Variants in ABLIM3 observed in about 807,000 individuals in gnomAD.
ABLIM3 encodes the protein actin binding LIM protein family member 3.
ABLIM3 carries 61 observed loss-of-function variants against 109.5 expected under a neutral mutation model. The ratio of observed to expected loss-of-function variants is 0.56; its 90% CI spans 0.45 to 0.69. ABLIM3 has a LOEUF of 0.69. ABLIM3 is among the 30% of genes least tolerant of loss of function. ABLIM3 has a pLI of 0.00. For missense variants in ABLIM3, 796 were observed against 889.5 expected (o/e 0.89, Z 1.34); for synonymous variants, 300 against 324.8 (o/e 0.92, Z 0.82).
intron 8 of ABLIM3, among the ~76,000 whole-genome samples, chr5:149,221,658 T>C (rs1278683670): frequency 6.6e-6 from 1 of 152,254 alleles, no homozygotes; most frequent in African/African-American, 2.4e-5. Flanking sequence ...ATCCAAACCC[T>C]TCATTTGGGC....
intron 2 of ABLIM3, among the ~76,000 whole-genome samples, chr5:149,169,322 AG>A (rs1406446693): frequency 1.3e-5 from 2 of 152,064 alleles, no homozygotes; most frequent in Non-Finnish European, 2.9e-5. Flanking sequence ...ATCAAGACCC[AG>A]ATTCCTTCCA....
At position 149,242,698 on chromosome 5, in the gene ABLIM3, A is replaced by G. The variant is rs184038090; in HGVS notation, c.1351+160A>G. ...CCATCACCCAGGGTGACATTAGGGC[A>G]GAGTTTGGTATCATTTCAAAAGAAC... On this transcript the variant is annotated intron_variant, in intron 15 of 23. Coordinates refer to ENST00000309868, the MANE Select transcript of ABLIM3 (RefSeq NM_014945.5). 2,404 of 745,416 alleles carry G rather than the reference A, an allele frequency of 3.2e-3. 7 individuals carry two copies. The highest frequency in any genetic ancestry group is 4.0e-3 in the Non-Finnish European group (1,716 of 424,938). 46.2% of individuals were successfully genotyped at this position (745,416 alleles called of 1,614,324 possible). A position where few individuals can be genotyped will look rare whatever the true frequency, so the allele number is the denominator to read the frequency against.
intron 2 of ABLIM3, among the ~76,000 whole-genome samples, chr5:149,163,591 C>G (rs1754573097): frequency 1.3e-5 from 2 of 152,150 alleles, no homozygotes; most frequent in African/African-American, 4.8e-5. Flanking sequence ...GGCTGTCCCT[C>G]TGTGCTTGCC....
intron 18 of ABLIM3, among the ~76,000 whole-genome samples, chr5:149,248,611 A>T (rs1201765622): frequency 6.9e-6 from 1 of 144,996 alleles, no homozygotes; most frequent in Non-Finnish European, 1.5e-5. Flanking sequence ...GAATGGCGTG[A>T]GGCAGGAGGC....
chr5:149,176,696 T>A (rs1480301937), intron 2 of ABLIM3, among the ~76,000 whole-genome samples: 1 of 152,160 alleles, frequency 6.6e-6, no homozygotes, highest in East Asian at 1.9e-4. Flanking sequence ...ACCCACCCTC[T>A]AAATATTATC....
At chr5:149,157,104 G>A (rs80034859) in intron 2 of ABLIM3, among the ~76,000 whole-genome samples, 1,551 of 152,304 alleles carry the variant, frequency 0.01, 35 homozygotes, top group African/African-American at 0.036. Context: ...ACCAGAAAGC[G>A]TTCCATTCTT....
In ABLIM3 at chr5:149,198,515, A is replaced by C. The variant is rs1758195266; in HGVS notation, c.335+113A>C. On this transcript the variant is annotated intron_variant, in intron 4 of 23. Transcript: ENST00000309868. This position sits in a 1 kb window ranked among gnomAD's most constrained non-coding sequence, Gnocchi z 4.2. Reference sequence around the variant, plus strand: ...TTTACAAGGTTTGTGCTGCACATTTAGATTTCTGGAACCTCAGGTGTGGAG... The same window carrying C: ...TTTACAAGGTTTGTGCTGCACATTTCGATTTCTGGAACCTCAGGTGTGGAG... 2 of 1,306,068 alleles carry C rather than the reference A, an allele frequency of 1.5e-6. No homozygotes were observed. Among genetic ancestry groups the C allele is most frequent in the Non-Finnish European group, 2.1e-6 (2 of 972,698 alleles). 80.9% of individuals were successfully genotyped at this position (1,306,068 alleles called of 1,614,324 possible).
chr5:149,209,914 T>C (rs1759373341), intron 6 of ABLIM3, among the ~76,000 whole-genome samples: 1 of 152,204 alleles, frequency 6.6e-6, no homozygotes, highest in Non-Finnish European at 1.5e-5. Context: ...GATGGAAAAG[T>C]GATGTGCCTC....
At chr5:149,154,196 A>G (rs1026779662) in intron 2 of ABLIM3, among the ~76,000 whole-genome samples, 1 of 152,198 alleles carries the variant, frequency 6.6e-6, no homozygotes, top group Admixed American at 6.5e-5. Flanking sequence ...CCCAAGGTCT[A>G]TTCCTATGTT....
chr5:149,219,967 A>G (rs1332056587), intron 8 of ABLIM3: 1 of 151,796 alleles, frequency 6.6e-6, no homozygotes, highest in Non-Finnish European at 1.5e-5. Flanking sequence ...CTCAGGGGGG[A>G]TCCTGGCTCC....
chr5:149,172,881 T>G (rs956343580), intron 2 of ABLIM3, among the ~76,000 whole-genome samples: 2 of 152,216 alleles, frequency 1.3e-5, no homozygotes, highest in African/African-American at 2.4e-5. Context: ...ATGCAACTCT[T>G]GTACTTTGTA....
chr5:149,232,408 C>T (rs1171574869), intron 9 of ABLIM3, among the ~76,000 whole-genome samples: 3 of 152,282 alleles, frequency 2.0e-5, no homozygotes, highest in East Asian at 3.9e-4. Context: ...GGGATTGAAA[C>T]GTTAGATTTT....
At chr5:149,179,884 T>G (rs10038830) in intron 2 of ABLIM3, among the ~76,000 whole-genome samples, 58 of 152,360 alleles carry the variant, frequency 3.8e-4, no homozygotes, top group African/African-American at 1.3e-3. Flanking sequence ...AGCATAGATG[T>G]CTAGAACATG....
In ABLIM3 at chr5:149,258,496, G is replaced by C. The variant is rs150472472; in HGVS notation, c.*92G>C. The C allele has an allele frequency of 0.018, 25,863 of 1,432,078 alleles. 297 individuals carry two copies. The highest frequency in any genetic ancestry group is 0.021 in the Middle Eastern group (88 of 4,192). The allele number at this position is 1,432,078 out of a possible 1,614,324, so 88.7% of individuals were successfully genotyped here. A position where few individuals can be genotyped will look rare whatever the true frequency, so the allele number is the denominator to read the frequency against. On this transcript the variant is annotated 3_prime_UTR_variant, in exon 24 of 24. Transcript: ENST00000309868. ...GGTATAATCCTCTCTTGTGTAATGG[G>C]ACACACTGCCTGCCATGAGACTTGC...
intron 2 of ABLIM3, among the ~76,000 whole-genome samples, chr5:149,154,366 T>C (rs1300299848): frequency 6.6e-6 from 1 of 152,196 alleles, no homozygotes; most frequent in African/African-American, 2.4e-5. Context: ...CCTCAGGTGA[T>C]TATAAATCCC....
intron 2 of ABLIM3, among the ~76,000 whole-genome samples, chr5:149,156,328 C>T (rs941490465): frequency 2.0e-5 from 3 of 152,172 alleles, no homozygotes; most frequent in Admixed American, 6.5e-5. Context: ...GACCCCCAAA[C>T]GTCAGGTTCC....
chr5:149,216,781 C>T (rs1760132298), intron 7 of ABLIM3, 178 bp from the exon 8 acceptor site: 6 of 593,872 alleles, frequency 1.0e-5, no homozygotes, highest in South Asian at 4.2e-5. Context: ...GAGTGAATCA[C>T]GAAGCTTCCC....
intron 7 of ABLIM3, among the ~76,000 whole-genome samples, chr5:149,212,844 G>A (rs1226297367): frequency 6.6e-6 from 1 of 152,140 alleles, no homozygotes; most frequent in Non-Finnish European, 1.5e-5. Context: ...CGGATCAGAG[G>A]CTGGGAGTGG....
chr5:149,161,925 T>C (rs1021120907), intron 2 of ABLIM3, among the ~76,000 whole-genome samples: 10 of 151,958 alleles, frequency 6.6e-5, no homozygotes, highest in Non-Finnish European at 1.2e-4. Context: ...TGTGTGTGTG[T>C]GCGCCTATAG....
Sources: gnomAD v4.1 joint callset for allele counts (sites outside exome capture counted in the v4.1 genomes callset) on GRCh38, gnomAD v4.1.1 for gene constraint, Gnocchi (gnomAD v3.1) non-coding constraint, MANE v1.5 for transcripts, NCBI Gene and HGNC (gene_info 2026-07-23, HGNC 2026-07-21) for gene names.